The following RGS5 variants were observed in gnomAD, a reference collection of about 807,000 sequenced individuals.
RGS5 encodes the protein regulator of G protein signaling 5.
A neutral mutation model predicts 18.9 loss-of-function variants in RGS5; 20 were observed. The ratio of observed to expected loss-of-function variants is 1.06; its 90% CI spans 0.74 to 1.54. RGS5 has a LOEUF of 1.54. Ranked by LOEUF, RGS5 falls within the 40% of genes most tolerant of loss-of-function variation. RGS5 has a pLI of 0.00. For missense variants in RGS5, 201 were observed against 211.8 expected (o/e 0.95, Z 0.32); for synonymous variants, 57 against 76.2 (o/e 0.75, Z 1.31).
At chr1:163,192,483 C>A (rs926457540) in intron 1 of RGS5, among the ~76,000 whole-genome samples, 20 of 148,164 alleles carry the variant, frequency 1.3e-4, no homozygotes, top group African/African-American at 4.7e-4. Flanking sequence ...ATAGAAAAGA[C>A]CTATTCGCCT....
At chr1:163,310,533 C>T (rs11588533) in intron 1 of RGS5, among the ~76,000 whole-genome samples, 31,461 of 144,734 alleles carry the variant, frequency 0.22, 3,579 homozygotes, top group African/African-American at 0.31. Flanking sequence ...AGAGATTGCG[C>T]GACTGCACTC....
At chr1:163,251,905 T>C (rs1010593606) in intron 2 of RGS5, among the ~76,000 whole-genome samples, 5 of 152,198 alleles carry the variant, frequency 3.3e-5, no homozygotes, top group Non-Finnish European at 7.4e-5. Context: ...CATTCATTCA[T>C]TGAAAGGCAT....
In RGS5 at chr1:163,249,516, C is replaced by T. The variant is rs573249839; in HGVS notation, c.-281+56717G>A. ...TTTTAATAAAATGAGGAAGGTCGGG[C>T]GCTGTGGCTCACGCCTATAATCCCA... On this transcript the variant is annotated intron_variant, in intron 2 of 5. Coordinates refer to the RGS5 transcript ENST00000618415. Among the ~76,000 whole-genome samples the T allele has an allele frequency of 2.2e-3, 336 of 152,336 alleles. 1 individual carries two copies. The highest frequency in any genetic ancestry group is 7.9e-3 in the African/African-American group (330 of 41,590).
chr1:163,171,955 CA>C (rs1658318700), intron 1 of RGS5, among the ~76,000 whole-genome samples: 1 of 152,112 alleles, frequency 6.6e-6, no homozygotes, highest in African/African-American at 2.4e-5. Flanking sequence ...AACGGTAGAT[CA>C]GGGGGAACTT....
chr1:163,227,510 T>C (rs755024327), intron 2 of RGS5, among the ~76,000 whole-genome samples: 3 of 152,282 alleles, frequency 2.0e-5, no homozygotes, highest in African/African-American at 4.8e-5. Context: ...GTCCCATCCT[T>C]AAAACATGGG....
intron 2 of RGS5, among the ~76,000 whole-genome samples, chr1:163,263,016 A>T (rs1004534659): frequency 2.6e-5 from 4 of 152,290 alleles, no homozygotes; most frequent in Middle Eastern, 3.4e-3. Context: ...CTCTCAGCTA[A>T]GTCTGCTTCC....
intron 2 of RGS5, among the ~76,000 whole-genome samples, chr1:163,240,072 G>GA (rs1345351782): frequency 6.6e-6 from 1 of 151,096 alleles, no homozygotes; most frequent in African/African-American, 2.4e-5. Context: ...TCATTAAAAG[G>GA]AAAAAATACA....
At chr1:163,197,979 A>G (rs1000483355) in intron 1 of RGS5, among the ~76,000 whole-genome samples, 1 of 152,052 alleles carries the variant, frequency 6.6e-6, no homozygotes, top group African/African-American at 2.4e-5. Flanking sequence ...AATCCTGAAA[A>G]CCCAGGAACC....
At chr1:163,306,002 A>C (rs1649687503) in intron 2 of RGS5, among the ~76,000 whole-genome samples, 1 of 152,086 alleles carries the variant, frequency 6.6e-6, no homozygotes, top group African/African-American at 2.4e-5. Context: ...TATTTTTTTT[A>C]ATCTTTTTTA....
At chr1:163,186,150 C>T (rs1659062905) in intron 1 of RGS5, among the ~76,000 whole-genome samples, 3 of 150,610 alleles carry the variant, frequency 2.0e-5, no homozygotes. Context: ...TGGCTCATTG[C>T]AACCTCTACC....
At chr1:163,289,308 A>G (rs1649220296) in intron 2 of RGS5, among the ~76,000 whole-genome samples, 2 of 149,864 alleles carry the variant, frequency 1.3e-5, no homozygotes, top group Non-Finnish European at 3.0e-5. Flanking sequence ...TGCCCTTCCT[A>G]CCTTTCTTGG....
intron 1 of RGS5, among the ~76,000 whole-genome samples, chr1:163,309,811 G>A (rs1392267589): frequency 6.6e-6 from 1 of 152,192 alleles, no homozygotes; most frequent in Admixed American, 6.5e-5. Context: ...ATATCTATAA[G>A]AGGAATCACT....
chr1:163,235,799 A>G (rs1647606726), intron 2 of RGS5, among the ~76,000 whole-genome samples: 1 of 152,154 alleles, frequency 6.6e-6, no homozygotes, highest in Non-Finnish European at 1.5e-5. Flanking sequence ...TGAGCTTTCT[A>G]TTATCTATCA....
intron 2 of RGS5, among the ~76,000 whole-genome samples, chr1:163,164,532 C>A (rs1348282717): frequency 6.6e-6 from 1 of 152,198 alleles, no homozygotes; most frequent in Non-Finnish European, 1.5e-5. Context: ...CAATGAGGCA[C>A]TCACTGCCGA....
At chr1:163,254,240 T>TG (rs1648203605) in intron 2 of RGS5, among the ~76,000 whole-genome samples, 1 of 149,116 alleles carries the variant, frequency 6.7e-6, no homozygotes, top group South Asian at 2.2e-4. Context: ...ACTTCCACAA[T>TG]GGTTGAACTA....
intron 2 of RGS5, chr1:163,259,848 T>C (rs1052334707): frequency 2.0e-5 from 3 of 151,910 alleles, no homozygotes; most frequent in Non-Finnish European, 2.9e-5. Context: ...AGAGGGTTGC[T>C]AGAGAGGACT....
chr1:163,154,667 G>A (rs1185573738), intron 3 of RGS5, among the ~76,000 whole-genome samples: 2 of 151,780 alleles, frequency 1.3e-5, no homozygotes, highest in Non-Finnish European at 2.9e-5. Context: ...AAAATCAGGT[G>A]TATTTTCTCT....
At chr1:163,167,520 C>T (rs1277279570) in intron 2 of RGS5, among the ~76,000 whole-genome samples, 1 of 152,072 alleles carries the variant, frequency 6.6e-6, no homozygotes, top group East Asian at 1.9e-4. Context: ...GGATTCACTG[C>T]CATAACATCA....
intron 2 of RGS5, among the ~76,000 whole-genome samples, chr1:163,255,048 T>C (rs2101701193): frequency 6.6e-6 from 1 of 152,370 alleles, no homozygotes; most frequent in South Asian, 2.1e-4. Flanking sequence ...TTGGTTACTG[T>C]AGCCTTGTAG....
Sources: allele counts gnomAD v4.1 joint callset (sites outside exome capture counted in the v4.1 genomes callset), GRCh38; gene constraint gnomAD v4.1.1; transcripts MANE v1.5; gene names NCBI Gene and HGNC (gene_info 2026-07-23, HGNC 2026-07-21).